The following C3orf70 variants were observed in gnomAD, a reference collection of about 807,000 sequenced individuals.
The protein encoded by C3orf70 is UPF0524 protein C3orf70.
Under a neutral mutation model 20.7 loss-of-function variants are expected in C3orf70, and 15 were observed. The observed-to-expected ratio is 0.72, with a 90% CI of 0.48 to 1.11. The LOEUF (loss-of-function observed/expected upper bound fraction) is 1.11, where lower values mean the gene tolerates loss of function less well. Among genes scored for constraint, C3orf70 ranks in the 50% most tolerant of loss-of-function variants. The pLI is 0.00. For synonymous variants in C3orf70, 161 were observed against 125.7 expected, an observed-to-expected ratio of 1.28 and a Z score of -1.88; for missense variants, 332 against 317.6, an observed-to-expected ratio of 1.05 and a Z score of -0.34.
intron 1 of C3orf70, among the ~76,000 whole-genome samples, chr3:185,138,629 G>A (rs191090285): frequency 2.6e-5 from 4 of 152,088 alleles, no homozygotes; most frequent in Admixed American, 6.5e-5. Context: ...CACATGAACA[G>A]GTTAATGAGG....
At position 185,083,182 on chromosome 3, in the gene C3orf70, T is replaced by C. The variant is rs761501886; in HGVS notation, c.578A>G (p.Asn193Ser). 2 of 1,614,182 alleles carry C rather than the reference T, an allele frequency of 1.2e-6. No homozygotes were observed. The highest frequency in any genetic ancestry group is 1.7e-6 in the Non-Finnish European group (2 of 1,180,026). ...TTCCACATAGTGAGCCCCAATCGCA[T>C]TGATCCCAGAGTCCTCAGAACTTGA... ...SPSSSEDSGI[N>S]AIGAHYVESC... is the part of the protein sequence containing the mutation. The change falls in exon 2 of 2, where the codon AAT (asparagine) becomes AGT (serine). Residue 193 changes from asparagine to serine, a missense_variant. Transcript: ENST00000335012.
intron 1 of C3orf70, among the ~76,000 whole-genome samples, chr3:185,131,179 T>G (rs1716515268): frequency 6.6e-6 from 1 of 152,228 alleles, no homozygotes; most frequent in Non-Finnish European, 1.5e-5. Flanking sequence ...CATTACGGCT[T>G]TAAAATGTAA....
chr3:185,145,622 A>C (rs953525767), intron 1 of C3orf70, among the ~76,000 whole-genome samples: 1 of 152,158 alleles, frequency 6.6e-6, no homozygotes, highest in Admixed American at 6.5e-5. Flanking sequence ...TCCTCACTAT[A>C]CCTTCAGTGG....
chr3:185,077,754 T>A lies in C3orf70; in HGVS notation c.*5253A>T, dbSNP rs181768889. ...ACGTGTAAGCCGAACAGAAAGGCTGTAACTGCGTGTGAAATAAATGCTATT... is the reference window on the plus strand; with the variant it reads ...ACGTGTAAGCCGAACAGAAAGGCTGAAACTGCGTGTGAAATAAATGCTATT... On this transcript the variant is annotated 3_prime_UTR_variant, in exon 2 of 2. Coordinates refer to ENST00000335012, the MANE Select transcript of C3orf70 (RefSeq NM_001025266.3). 3.7e-4 allele frequency among the ~76,000 whole-genome samples: 52 copies of A among 141,138 alleles called. No individual in the cohort carries two copies. Among genetic ancestry groups the A allele is most frequent in the African/African-American group, 1.2e-3 (44 of 38,060 alleles). The allele number at this position is 141,138 out of a possible 152,430, so 92.6% of individuals were successfully genotyped here.
chr3:185,085,040 C>G lies in C3orf70; in HGVS notation c.197-1477G>C, dbSNP rs893537415. Among the ~76,000 whole-genome samples, 7 of 152,228 alleles carry G rather than the reference C, an allele frequency of 4.6e-5. No homozygotes were observed. In the East Asian group the frequency reaches 1.4e-3, roughly 29 times the overall value. On this transcript the variant is annotated intron_variant, in intron 1 of 1. Transcript: ENST00000335012. ...TGCTGTCTATCCTAGGCAGCATCCTCGGCCTCTCCCCACTAGATGCCAGTA... is the reference window on the plus strand; with the variant it reads ...TGCTGTCTATCCTAGGCAGCATCCTGGGCCTCTCCCCACTAGATGCCAGTA...
At chr3:185,094,074 G>GT (rs71162282) in intron 1 of C3orf70, among the ~76,000 whole-genome samples, 17,093 of 80,756 alleles carry the variant, frequency 0.21, 2,269 homozygotes, top group East Asian at 0.42. Context: ...ATACCCTGGG[G>GT]TTTTTTTTTT....
At chr3:185,111,623 A>C (rs1716074389) in intron 1 of C3orf70, among the ~76,000 whole-genome samples, 1 of 152,222 alleles carries the variant, frequency 6.6e-6, no homozygotes, top group Non-Finnish European at 1.5e-5. Context: ...TGGGGATGTA[A>C]AATGGTATAC....
intron 1 of C3orf70, among the ~76,000 whole-genome samples, chr3:185,094,837 C>G (rs368170955): frequency 6.6e-6 from 1 of 152,122 alleles, no homozygotes. Context: ...GCTGAGGGAG[C>G]CTTCTCACAA....
intron 1 of C3orf70, among the ~76,000 whole-genome samples, chr3:185,088,445 T>C (rs572222767): frequency 6.6e-6 from 1 of 152,350 alleles, no homozygotes; most frequent in East Asian, 1.9e-4. Flanking sequence ...ACTACTGTTT[T>C]GCAACTTAAT....
At chr3:185,084,972 CT>C (rs1304235682) in intron 1 of C3orf70, among the ~76,000 whole-genome samples, 2 of 152,166 alleles carry the variant, frequency 1.3e-5, no homozygotes, top group African/African-American at 4.8e-5. Context: ...TTAGCACTAC[CT>C]GCATTTTGGA....
At chr3:185,104,806 T>A (rs796119381) in intron 1 of C3orf70, among the ~76,000 whole-genome samples, 29 of 152,234 alleles carry the variant, frequency 1.9e-4, no homozygotes, top group African/African-American at 6.7e-4. Context: ...CAACACACAC[T>A]GCATACCAGA....
At chr3:185,092,452 C>A (rs529196931) in intron 1 of C3orf70, among the ~76,000 whole-genome samples, 35 of 152,232 alleles carry the variant, frequency 2.3e-4, no homozygotes, top group Non-Finnish European at 1.8e-4. Context: ...CACCTCCCCC[C>A]AAACCCTAGA....
At position 185,079,008 on chromosome 3, in the gene C3orf70, G is replaced by GT. The variant is rs1443992392; in HGVS notation, c.*3998dup. 1 of 152,150 alleles carries GT rather than the reference G, an allele frequency of 6.6e-6. No individual in the cohort carries two copies. Among genetic ancestry groups the GT allele is most frequent in the African/African-American group, 2.4e-5 (1 of 41,408 alleles). 9.4% of individuals were successfully genotyped at this position (152,150 alleles called of 1,614,324 possible). A position where few individuals can be genotyped will look rare whatever the true frequency, so the allele number is the denominator to read the frequency against. Reference sequence around the variant, plus strand: ...GGATTAGAAGTAAAGCCGGCCGGGCGTGGTGGTTCACGCCTGCAATCCCAG... The same window carrying GT: ...GGATTAGAAGTAAAGCCGGCCGGGCGTTGGTGGTTCACGCCTGCAATCCCAG... On this transcript the variant is annotated 3_prime_UTR_variant, in exon 2 of 2. Transcript: ENST00000335012.
chr3:185,095,777 A>G (rs2108590632), intron 1 of C3orf70, among the ~76,000 whole-genome samples: 1 of 134,246 alleles, frequency 7.4e-6, no homozygotes, highest in South Asian at 2.3e-4. Context: ...TTGCTCTGTC[A>G]CCAGGCTGGA....
intron 1 of C3orf70, among the ~76,000 whole-genome samples, chr3:185,133,740 C>G (rs1392692946): frequency 6.6e-6 from 1 of 151,814 alleles, no homozygotes; most frequent in Admixed American, 6.6e-5. Context: ...TGAGACTTGT[C>G]TCAAAACAAA....
intron 1 of C3orf70, among the ~76,000 whole-genome samples, chr3:185,117,418 TACACACACAC>T (rs141665642): frequency 2.2e-4 from 30 of 135,220 alleles, no homozygotes; most frequent in East Asian, 1.5e-3. Flanking sequence ...ACCACACACA[TACACACACAC>T]ACACACACAC....
At chr3:185,091,144 CAA>C (rs1344366043) in intron 1 of C3orf70, among the ~76,000 whole-genome samples, 2 of 152,028 alleles carry the variant, frequency 1.3e-5, no homozygotes, top group African/African-American at 2.4e-5. Flanking sequence ...ATAAGTAAAA[CAA>C]GAGTTGAATA....
At chr3:185,152,479 C>T in intron 1 of C3orf70, 149 bp downstream of exon 1, 2 of 527,116 alleles carry the variant, frequency 3.8e-6, no homozygotes, top group Non-Finnish European at 6.0e-6. Flanking sequence ...TCCGGCGGGC[C>T]CGGAGCCCAC....
chr3:185,092,025 C>T (rs1183306432), intron 1 of C3orf70, among the ~76,000 whole-genome samples: 10 of 140,866 alleles, frequency 7.1e-5, no homozygotes, highest in Non-Finnish European at 3.0e-5. Flanking sequence ...TCTTGAACTC[C>T]TGACCTCAGG....
Sources: gnomAD v4.1 joint callset for allele counts (sites outside exome capture counted in the v4.1 genomes callset) on GRCh38, gnomAD v4.1.1 for gene constraint, MANE v1.5 for transcripts, NCBI Gene and HGNC (gene_info 2026-07-23, HGNC 2026-07-21) for gene names.